MAPRE3: variants seen among roughly 807,000 people sequenced by gnomAD.
MAPRE3 encodes microtubule-associated protein RP/EB family member 3.
Under a neutral mutation model 30.5 loss-of-function variants are expected in MAPRE3, and 2 were observed. The ratio of observed to expected loss-of-function variants is 0.07; its 90% CI spans 0.03 to 0.21. The LOEUF (loss-of-function observed/expected upper bound fraction) is 0.21. Ranked by LOEUF, MAPRE3 falls within the 10% of genes least tolerant of loss-of-function variation. The pLI, the probability that MAPRE3 is intolerant of heterozygous loss-of-function variation, is 1.00. For synonymous variants in MAPRE3, 110 were observed against 127.7 expected (o/e 0.86, Z 0.93); for missense variants, 204 against 351.8 (o/e 0.58, Z 3.36).
chr2:27,022,728 A>G (rs1667136026), intron 2 of MAPRE3: 1 of 189,160 alleles, frequency 5.3e-6, no homozygotes, highest in South Asian at 1.1e-4. Context: ...GACCACCATC[A>G]TATATGTGGT....
chr2:26,975,068 G>T (rs1246781719), intron 1 of MAPRE3, among the ~76,000 whole-genome samples: 1 of 152,316 alleles, frequency 6.6e-6, no homozygotes, highest in Middle Eastern at 3.4e-3. Context: ...TTTGCTCCAT[G>T]TATTCAGCCA....
chr2:27,001,127 A>G (rs765135525), intron 1 of MAPRE3, among the ~76,000 whole-genome samples: 5 of 152,236 alleles, frequency 3.3e-5, no homozygotes, highest in Non-Finnish European at 7.3e-5. Flanking sequence ...TAATACAATC[A>G]TACATTGCTT....
At chr2:27,012,768 A>G (rs929726049) in intron 1 of MAPRE3, 6 of 152,638 alleles carry the variant, frequency 3.9e-5, no homozygotes, top group African/African-American at 1.4e-4. Flanking sequence ...CATCTTCAGC[A>G]TCCGACTTTC....
At chr2:27,016,603 CTGG>C (rs1444920791) in intron 1 of MAPRE3, among the ~76,000 whole-genome samples, 2 of 152,050 alleles carry the variant, frequency 1.3e-5, no homozygotes, top group African/African-American at 4.8e-5. Flanking sequence ...CCAAGATGGT[CTGG>C]ATCTCCTGAC....
At chr2:27,024,909 G>C (rs1243954773) in intron 4 of MAPRE3, among the ~76,000 whole-genome samples, 1 of 152,128 alleles carries the variant, frequency 6.6e-6, no homozygotes, top group African/African-American at 2.4e-5. Flanking sequence ...TCATAGCAGA[G>C]CCACCTCCTC....
At chr2:26,994,090 C>T (rs1346581674) in intron 1 of MAPRE3, among the ~76,000 whole-genome samples, 2 of 152,204 alleles carry the variant, frequency 1.3e-5, no homozygotes, top group Non-Finnish European at 2.9e-5. Flanking sequence ...AATAATCTGG[C>T]TGTCTTGACT....
At chr2:26,992,404 T>TA (rs896432063) in intron 1 of MAPRE3, among the ~76,000 whole-genome samples, 2 of 151,334 alleles carry the variant, frequency 1.3e-5, no homozygotes, top group Non-Finnish European at 2.9e-5. Context: ...TTTTGTAATT[T>TA]AGTAGAGATG....
chr2:27,005,246 A>ATGTGTATGGCTCGTGG (rs1666699203), intron 1 of MAPRE3, among the ~76,000 whole-genome samples: 1 of 152,250 alleles, frequency 6.6e-6, no homozygotes, highest in East Asian at 1.9e-4. Context: ...CAAAATGCCC[A>ATGTGTATGGCTCGTGG]GCAACTAAAG....
At chr2:26,990,104 A>C (rs914649023) in intron 1 of MAPRE3, among the ~76,000 whole-genome samples, 2 of 152,186 alleles carry the variant, frequency 1.3e-5, no homozygotes, top group Non-Finnish European at 2.9e-5. Context: ...GCTGGAGCCC[A>C]GGAGTGTGAG....
chr2:27,012,671 A>G (rs1666888062), intron 1 of MAPRE3: 1 of 152,716 alleles, frequency 6.5e-6, no homozygotes, highest in Admixed American at 6.5e-5. Flanking sequence ...AGGCAGGTAG[A>G]GTAGAGTCTG....
intron 1 of MAPRE3, among the ~76,000 whole-genome samples, chr2:27,021,343 G>C (rs188782514): frequency 4.6e-5 from 7 of 152,208 alleles, no homozygotes; most frequent in African/African-American, 7.2e-5. Flanking sequence ...GCATGAGGGA[G>C]AGTAAGCTGT....
intron 1 of MAPRE3, among the ~76,000 whole-genome samples, chr2:26,973,820 G>T (rs921128997): frequency 2.0e-5 from 3 of 152,210 alleles, no homozygotes; most frequent in Non-Finnish European, 4.4e-5. Flanking sequence ...CTCCCAAAGT[G>T]CTGGGACTAC....
chr2:27,002,271 T>C (rs1666616883), intron 1 of MAPRE3: 1 of 152,196 alleles, frequency 6.6e-6, no homozygotes, highest in Non-Finnish European at 1.5e-5. Context: ...CAATTCATTG[T>C]TGGACATTTC....
intron 2 of MAPRE3, chr2:27,022,653 T>C: frequency 3.5e-6 from 1 of 286,078 alleles, no homozygotes; most frequent in Non-Finnish European, 6.6e-6. Context: ...TATTTGCACA[T>C]CTAAACATAC....
rs1667250157 is a variant in MAPRE3, at chr2:27,026,574, C to G, written c.*226C>G. ...TGGTGGGACCCCTGTCCACACCCACCCTATTTATTTCCGTTGTCTCTCTGC... is the reference window on the plus strand; with the variant it reads ...TGGTGGGACCCCTGTCCACACCCACGCTATTTATTTCCGTTGTCTCTCTGC... On this transcript the variant is annotated 3_prime_UTR_variant, in exon 7 of 7. Transcript: ENST00000233121. The G allele has an allele frequency of 4.1e-6, 2 of 482,536 alleles. No homozygotes were observed. Among genetic ancestry groups the G allele is most frequent in the Admixed American group, 4.0e-5 (1 of 25,224 alleles). The allele number at this position is 482,536 out of a possible 1,614,324, so 29.9% of individuals were successfully genotyped here. A position where few individuals can be genotyped will look rare whatever the true frequency, so the allele number is the denominator to read the frequency against.
rs375591964 is a variant in MAPRE3 at position 27,022,224 on chromosome 2, C to G, written c.6C>G (p.Ala2=). The G allele has an allele frequency of 6.2e-7, 1 of 1,613,696 alleles. No individual in the cohort carries two copies. The highest frequency in any genetic ancestry group is 1.7e-5 in the Admixed American group (1 of 60,020). Reference sequence around the variant, plus strand: ...TCTTGCTTTCCAGCTGGGGTATGGCCGTCAATGTGTACTCCACATCTGTGA... The same window carrying G: ...TCTTGCTTTCCAGCTGGGGTATGGCGGTCAATGTGTACTCCACATCTGTGA... The part of the protein sequence containing the change: M[A]VNVYSTSVTS... The change falls in exon 2 of 7, where the codon GCC becomes GCG. Residue 2 remains alanine (A), a synonymous_variant. Transcript: ENST00000233121.
intron 1 of MAPRE3, among the ~76,000 whole-genome samples, chr2:26,978,072 AATT>A (rs2148196584): frequency 6.6e-6 from 1 of 152,218 alleles, no homozygotes; most frequent in African/African-American, 2.4e-5. Context: ...CTGCTGCTGG[AATT>A]ATTAGTGAGC....
chr2:27,025,514 A>C, intron 4 of MAPRE3, 69 bp from the exon 5 acceptor site: 1 of 1,485,130 alleles, frequency 6.7e-7, no homozygotes, highest in Non-Finnish European at 9.1e-7. Context: ...CAGTCCTCAC[A>C]CCAGGCTGTC....
chr2:27,009,521 A>G (rs1435523184), intron 1 of MAPRE3, among the ~76,000 whole-genome samples: 3 of 152,246 alleles, frequency 2.0e-5, no homozygotes, highest in Non-Finnish European at 4.4e-5. Flanking sequence ...TTTGATTTGG[A>G]AATTATTTTA....
Sources: allele counts gnomAD v4.1 joint callset (sites outside exome capture counted in the v4.1 genomes callset), GRCh38; gene constraint gnomAD v4.1.1; transcripts MANE v1.5; gene names NCBI Gene and HGNC (gene_info 2026-07-23, HGNC 2026-07-21).